The following STK3 variants were observed in gnomAD, a reference collection of about 807,000 sequenced individuals.
The protein encoded by STK3 is serine/threonine kinase 3.
STK3 carries 41 observed loss-of-function variants against 58.0 expected under a neutral mutation model. The observed-to-expected ratio is 0.71, with a 90% CI of 0.55 to 0.92. The LOEUF (loss-of-function observed/expected upper bound fraction) is 0.92, where lower values mean the gene tolerates loss of function less well. STK3 is among the 40% of genes least tolerant of loss of function. The pLI is 0.00. For synonymous variants in STK3, 170 were observed against 191.0 expected (o/e 0.89, Z 0.91); for missense variants, 479 against 602.7 (o/e 0.79, Z 2.15).
intron 10 of STK3, among the ~76,000 whole-genome samples, chr8:98,489,209 C>G (rs1394786822): frequency 6.6e-6 from 1 of 151,932 alleles, no homozygotes; most frequent in Non-Finnish European, 1.5e-5. Flanking sequence ...AAAACATAAT[C>G]TGTCATGGAA....
chr8:98,855,664 C>T (rs183291164), intron 3 of STK3, among the ~76,000 whole-genome samples: 2 of 152,210 alleles, frequency 1.3e-5, no homozygotes, highest in Admixed American at 6.5e-5. Flanking sequence ...ATATATTAGA[C>T]ATTGTCAACA....
chr8:98,930,207 G>A (rs1210473762), intron 1 of STK3, among the ~76,000 whole-genome samples: 1 of 152,150 alleles, frequency 6.6e-6, no homozygotes, highest in African/African-American at 2.4e-5. Context: ...CTGGGGAGGA[G>A]GGGAAGGCGG....
At chr8:98,859,888 G>A (rs1836863877) in intron 3 of STK3, among the ~76,000 whole-genome samples, 1 of 152,204 alleles carries the variant, frequency 6.6e-6, no homozygotes, top group Non-Finnish European at 1.5e-5. Context: ...GGAAGGATAT[G>A]TAGATAAATT....
At chr8:98,868,623 T>C (rs1404156579) in intron 3 of STK3, among the ~76,000 whole-genome samples, 2 of 152,176 alleles carry the variant, frequency 1.3e-5, no homozygotes, top group Admixed American at 1.3e-4. Context: ...GTGGGTTAAA[T>C]TGTGGCCTCC....
At chr8:98,720,738 G>A (rs540022938) in intron 4 of STK3, among the ~76,000 whole-genome samples, 15 of 137,814 alleles carry the variant, frequency 1.1e-4, no homozygotes, top group Admixed American at 3.9e-4. Context: ...GTGACAGAGC[G>A]AGACTCCGTC....
chr8:98,672,147 A>T (rs1021316559), intron 6 of STK3, among the ~76,000 whole-genome samples: 1 of 152,108 alleles, frequency 6.6e-6, no homozygotes, highest in South Asian at 2.1e-4. Flanking sequence ...GGGTCTCTCA[A>T]ACTTGCCCAG....
intron 3 of STK3, chr8:98,431,501 C>G: frequency 6.0e-6 from 1 of 167,228 alleles, no homozygotes. Context: ...ACGGACTCAT[C>G]CCCAGCTGCA....
intron 3 of STK3, among the ~76,000 whole-genome samples, chr8:98,854,134 T>C (rs902032719): frequency 1.3e-5 from 2 of 151,934 alleles, no homozygotes; most frequent in African/African-American, 4.8e-5. Flanking sequence ...AAACTATATT[T>C]ATTTATTTAT....
At chr8:98,389,662 C>CCTGTG (rs1292530762), upstream of STK3, among the ~76,000 whole-genome samples, 3 of 151,464 alleles carry the variant, frequency 2.0e-5, no homozygotes, top group Non-Finnish European at 4.4e-5. Context: ...AGCAAGCATA[C>CCTGTG]CTGTGGACAG....
intron 4 of STK3, among the ~76,000 whole-genome samples, chr8:98,711,336 C>T (rs542137256): frequency 2.8e-4 from 42 of 152,044 alleles, no homozygotes; most frequent in Non-Finnish European, 3.7e-4. Flanking sequence ...CGAACTACTC[C>T]GAGCTAAAGG....
Position 98,457,649 on chromosome 8 carries a change from C to T in STK3, c.1318-1649G>A, listed in dbSNP as rs544818303. 1.0e-3 allele frequency among the ~76,000 whole-genome samples: 159 copies of T among 152,178 alleles called. 1 individual carries two copies. The highest frequency in any genetic ancestry group is 3.8e-3 in the African/African-American group (157 of 41,524). On this transcript the variant is annotated intron_variant, in intron 10 of 10. Coordinates refer to ENST00000419617, the MANE Select transcript of STK3 (RefSeq NM_006281.4). ...TTAGACTTTAGAGACTGTACATACA[C>T]CAAGAAACTATCCTACTATACTGCA...
chr8:98,428,252 C>G lies in STK3; in HGVS notation n.483+5875G>C. 1 of 1,614,128 alleles carries G rather than the reference C, an allele frequency of 6.2e-7. No individual in the cohort carries two copies. Among genetic ancestry groups the G allele is most frequent in the Non-Finnish European group, 8.5e-7 (1 of 1,180,030 alleles). ...ATTTCTATCACACCGGCAAGCTTCA[C>G]GTCATGGCTGAGCTATGTGTCTTCT... On this transcript the variant is annotated intron_variant and non_coding_transcript_variant, in intron 3 of 3. Coordinates refer to the STK3 transcript ENST00000517832. This position sits in a 1 kb window ranked among gnomAD's most constrained non-coding sequence, Gnocchi z 6.7.
intron 3 of STK3, among the ~76,000 whole-genome samples, chr8:98,848,541 T>A (rs1162628659): frequency 6.6e-6 from 1 of 152,040 alleles, no homozygotes; most frequent in Non-Finnish European, 1.5e-5. Context: ...GAGCCACACA[T>A]CTACTTTCCG....
intron 3 of STK3, among the ~76,000 whole-genome samples, chr8:98,836,432 C>T (rs1053753577): frequency 6.6e-6 from 1 of 152,222 alleles, no homozygotes; most frequent in Non-Finnish European, 1.5e-5. Flanking sequence ...GACTTAATCA[C>T]CTCCCAAGTC....
chr8:98,557,742 A>T (rs1201717807), intron 8 of STK3, among the ~76,000 whole-genome samples: 3 of 152,108 alleles, frequency 2.0e-5, no homozygotes, highest in Non-Finnish European at 4.4e-5. Context: ...CTACGAAATC[A>T]GCTTAATAGC....
chr8:98,518,293 A>G (rs1372402483), intron 10 of STK3, among the ~76,000 whole-genome samples: 1 of 152,162 alleles, frequency 6.6e-6, no homozygotes, highest in Non-Finnish European at 1.5e-5. Flanking sequence ...AATAAGCAGA[A>G]TTAGCTTAAT....
intron 1 of STK3, among the ~76,000 whole-genome samples, chr8:98,446,572 C>T (rs1818956948): frequency 2.0e-5 from 3 of 152,144 alleles, no homozygotes; most frequent in Admixed American, 1.3e-4. Context: ...CATCTCACAT[C>T]AGGCAGAATG....
chr8:98,924,486 A>G (rs1007314394), intron 1 of STK3, among the ~76,000 whole-genome samples: 1 of 152,234 alleles, frequency 6.6e-6, no homozygotes. Flanking sequence ...TCAAAGGCCC[A>G]GATGGCTCCT....
chr8:98,663,413 A>G (rs1822110733), intron 6 of STK3, among the ~76,000 whole-genome samples: 1 of 152,230 alleles, frequency 6.6e-6, no homozygotes, highest in Admixed American at 6.5e-5. Flanking sequence ...ACACTTTTAC[A>G]GTGTTGGTGG....
Sources: allele counts gnomAD v4.1 joint callset (sites outside exome capture counted in the v4.1 genomes callset), GRCh38; gene constraint gnomAD v4.1.1; non-coding constraint Gnocchi (gnomAD v3.1); transcripts MANE v1.5; gene names NCBI Gene and HGNC (gene_info 2026-07-23, HGNC 2026-07-21).